Variants in ARID1B observed in about 807,000 individuals in gnomAD.
The protein encoded by ARID1B is AT-rich interactive domain-containing protein 1B.
In ARID1B, 30 loss-of-function variants were observed where a neutral mutation model predicts 212.3. That is an observed-to-expected ratio of 0.14 (90% confidence interval 0.11 to 0.19). The LOEUF (loss-of-function observed/expected upper bound fraction) is 0.19, where lower values mean the gene tolerates loss of function less well. Among genes scored for constraint, ARID1B ranks in the 10% least tolerant of loss-of-function variants. The pLI, the probability that ARID1B is intolerant of heterozygous loss-of-function variation, is 1.00. For missense variants in ARID1B, 2,891 were observed against 3,204.0 expected (o/e 0.90, Z 2.36); for synonymous variants, 1,402 against 1,301.7 (o/e 1.08, Z -1.66).
At position 157,038,962 on chromosome 6, in the gene ARID1B, G is replaced by A. The variant is rs918864610; in HGVS notation, c.2248-45700G>A. On this transcript the variant is annotated intron_variant, in intron 4 of 19. Coordinates refer to ENST00000636930, the MANE Select transcript of ARID1B (RefSeq NM_001374828.1). ...TCTGTTGCCCAGGCTGGAGTGCAGC[G>A]GCGCGATCATGGCTCATTGCAGCCT... Among the ~76,000 whole-genome samples the A allele has an allele frequency of 4.6e-5, 7 of 151,520 alleles. No individual in the cohort carries two copies. The East Asian group carries it at 5.8e-4, about 13-fold the overall frequency.
intron 4 of ARID1B, among the ~76,000 whole-genome samples, chr6:157,004,897 C>CTTTTTTTTTTTTTTTTTTT (rs1177807875): frequency 2.6e-4 from 14 of 54,732 alleles, no homozygotes; most frequent in South Asian, 4.4e-4. Context: ...CTTCTTTTTT[C>CTTTTTTTTTTTTTTTTTTT]TTTTTTTTTT....
At chr6:156,779,520 G>T (rs1779041483) in intron 1 of ARID1B, 49 bp downstream of exon 1, 6 of 1,259,632 alleles carry the variant, frequency 4.8e-6, no homozygotes, top group Non-Finnish European at 6.0e-6. Context: ...GCCTCGCCGC[G>T]CCGCGAGCCT....
chr6:157,161,411 T>A (rs1297496220), intron 8 of ARID1B, among the ~76,000 whole-genome samples: 1 of 143,724 alleles, frequency 7.0e-6, no homozygotes, highest in Non-Finnish European at 1.5e-5. Context: ...GGTCTTATTT[T>A]CTGTTTTGAT....
In ARID1B at chr6:157,175,190, G is replaced by A. The variant is rs541895685; in HGVS notation, c.3504+185G>A. 2.5e-5 allele frequency: 12 copies of A among 479,534 alleles called. No individual in the cohort carries two copies. The East Asian group carries it at 5.2e-4, about 21-fold the overall frequency. 29.7% of individuals were successfully genotyped at this position (479,534 alleles called of 1,614,324 possible). ...ATTAGTGACAAAATGAATAAAGTTT[G>A]CGTGCATCAAAGAAGTTGATTTCTG... On this transcript the variant is annotated intron_variant, in intron 11 of 19. Coordinates refer to ENST00000636930, the MANE Select transcript of ARID1B (RefSeq NM_001374828.1).
chr6:156,940,212 T>G (rs1198139914), intron 4 of ARID1B: 6 of 152,208 alleles, frequency 3.9e-5, no homozygotes. Context: ...ATGGACTGCT[T>G]TGTTAGGACT....
intron 4 of ARID1B, among the ~76,000 whole-genome samples, chr6:157,072,822 A>G (rs999891833): frequency 6.6e-6 from 1 of 152,212 alleles, no homozygotes; most frequent in African/African-American, 2.4e-5. Flanking sequence ...AGGTGAAGAA[A>G]CTGAGGCTTA....
intron 11 of ARID1B, chr6:157,175,751 C>T (rs998537036): frequency 2.6e-5 from 4 of 151,740 alleles, no homozygotes; most frequent in African/African-American, 4.8e-5. Context: ...TCTTCTGACC[C>T]TAGAAGTGGG....
chr6:157,114,351 C>T (rs1275624623), intron 6 of ARID1B, among the ~76,000 whole-genome samples: 3 of 151,518 alleles, frequency 2.0e-5, no homozygotes, highest in South Asian at 2.1e-4. Flanking sequence ...GGTGAAACCC[C>T]GTCTCCACTA....
rs753433998 is a variant in ARID1B at position 157,173,991 on chromosome 6, C to A, written c.3236-17C>A. 5.0e-6 allele frequency: 8 copies of A among 1,602,176 alleles called. 1 individual carries two copies. In the South Asian group the frequency reaches 8.8e-5, roughly 18 times the overall value. ...TCACACATATAATCCTAAACTCTTT[C>A]TCCTGTTTTCGATTAGCATCTGTGG... On this transcript the variant is annotated splice_polypyrimidine_tract_variant and intron_variant, in intron 9 of 19. Transcript: ENST00000636930.
intron 4 of ARID1B, among the ~76,000 whole-genome samples, chr6:156,995,144 TC>T (rs1778514204): frequency 6.6e-6 from 1 of 152,128 alleles, no homozygotes. Flanking sequence ...TGTGCCCTCT[TC>T]TCCCGGGCTT....
chr6:157,129,872 A>G (rs1435573606), intron 6 of ARID1B, among the ~76,000 whole-genome samples: 2 of 152,220 alleles, frequency 1.3e-5, no homozygotes, highest in East Asian at 1.9e-4. Flanking sequence ...ACAAAAACTT[A>G]AGAGTATCGT....
At chr6:157,021,404 A>C (rs571629725) in intron 4 of ARID1B, among the ~76,000 whole-genome samples, 75 of 152,278 alleles carry the variant, frequency 4.9e-4, no homozygotes, top group African/African-American at 1.7e-3. Context: ...GCGCTGGGCG[A>C]GGATGAGGGC....
intron 4 of ARID1B, chr6:156,940,818 T>C (rs1792616514): frequency 6.6e-6 from 1 of 150,524 alleles, no homozygotes; most frequent in African/African-American, 2.5e-5. Context: ...GCTTTTTAAC[T>C]GGGTTCAGCT....
Position 156,785,081 on chromosome 6 carries a change from A to T in ARID1B, c.1791+5610A>T, listed in dbSNP as rs77086024. The stretch of plus-strand genomic sequence containing the variant: ...GGCAAGATTTACTTACTTAAATAGG[A>T]TCCAGTAGGCAGTTTTCAAACCCAC... On this transcript the variant is annotated intron_variant, in intron 1 of 19. Coordinates refer to ENST00000636930, the MANE Select transcript of ARID1B (RefSeq NM_001374828.1). 9.2e-3 allele frequency among the ~76,000 whole-genome samples: 1,408 copies of T among 152,314 alleles called. 9 individuals carry two copies. Among genetic ancestry groups the T allele is most frequent in the Non-Finnish European group, 0.014 (958 of 68,032 alleles).
intron 13 of ARID1B, among the ~76,000 whole-genome samples, chr6:157,188,193 C>T (rs939012071): frequency 6.6e-6 from 1 of 151,448 alleles, no homozygotes; most frequent in Non-Finnish European, 1.5e-5. Flanking sequence ...ATGTACCCCT[C>T]AACTTAAAGT....
intron 4 of ARID1B, among the ~76,000 whole-genome samples, chr6:156,986,757 A>G (rs541301145): frequency 6.6e-5 from 10 of 152,294 alleles, no homozygotes; most frequent in South Asian, 2.1e-4. Context: ...TTTAAGGCCA[A>G]TGCTACCATT....
chr6:157,066,219 CTA>C (rs1291900003), intron 4 of ARID1B, among the ~76,000 whole-genome samples: 1 of 152,130 alleles, frequency 6.6e-6, no homozygotes, highest in Admixed American at 6.5e-5. Context: ...CATATAGTAA[CTA>C]AAAGAAATTT....
intron 4 of ARID1B, among the ~76,000 whole-genome samples, chr6:157,059,015 T>G (rs1422289997): frequency 6.6e-6 from 1 of 151,944 alleles, no homozygotes; most frequent in Non-Finnish European, 1.5e-5. Context: ...CCTAGATGTT[T>G]CAATGAGATG....
rs544442357 is a variant in ARID1B, at chr6:157,148,238, T to C, written c.2762-386T>C. ...AGGTAGCAGTGATCTAGTGGTGTGA[T>C]CTCAAGAGTGGTGCTCACCATTTTG... On this transcript the variant is annotated intron_variant, in intron 7 of 19. Coordinates refer to ENST00000636930, the MANE Select transcript of ARID1B (RefSeq NM_001374828.1). The surrounding 1 kb of genome is among the most constrained non-coding windows in gnomAD (Gnocchi z 5.6). Among the ~76,000 whole-genome samples, 3 of 152,120 alleles carry C rather than the reference T, an allele frequency of 2.0e-5. No homozygotes were observed. The highest frequency in any genetic ancestry group is 2.9e-5 in the Non-Finnish European group (2 of 68,028).
Sources: gnomAD v4.1 joint callset for allele counts (sites outside exome capture counted in the v4.1 genomes callset) on GRCh38, gnomAD v4.1.1 for gene constraint, Gnocchi (gnomAD v3.1) non-coding constraint, MANE v1.5 for transcripts, NCBI Gene and HGNC (gene_info 2026-07-23, HGNC 2026-07-21) for gene names.